CPLANE1: variants seen among roughly 807,000 people sequenced by gnomAD.
CPLANE1 encodes ciliogenesis and planar polarity effector complex subunit 1.
Under a neutral mutation model 362.5 loss-of-function variants are expected in CPLANE1, and 263 were observed. The observed-to-expected ratio is 0.73, with a 90% CI of 0.66 to 0.80. The LOEUF (loss-of-function observed/expected upper bound fraction) is 0.80. CPLANE1 is among the 30% of genes least tolerant of loss of function. The pLI is 0.00. For synonymous variants in CPLANE1, 1,212 were observed against 1,302.6 expected (o/e 0.93, Z 1.50); for missense variants, 3,461 against 3,793.4 (o/e 0.91, Z 2.30).
In CPLANE1 at chr5:37,121,477, G is replaced by A. The variant is rs918360406; in HGVS notation, c.9185+140C>T. ...CAATGTATAAAGACCTCATGATTAT[G>A]AGGCTACTTTTTTCCTTTATCATCA... On this transcript the variant is annotated intron_variant, in intron 49 of 52. Coordinates refer to ENST00000651892, the MANE Select transcript of CPLANE1 (RefSeq NM_001384732.1). 1.9e-5 allele frequency: 14 copies of A among 738,998 alleles called. No individual in the cohort carries two copies. In the African/African-American group the frequency reaches 2.5e-4, roughly 13 times the overall value. 45.8% of individuals were successfully genotyped at this position (738,998 alleles called of 1,614,324 possible). A position where few individuals can be genotyped will look rare whatever the true frequency, so the allele number is the denominator to read the frequency against.
the CPLANE1 span, among the ~76,000 whole-genome samples, chr5:37,098,923 C>CAAAAAAAA: frequency 3.3e-4 from 17 of 52,028 alleles, no homozygotes; most frequent in African/African-American, 8.5e-4. Context: ...ATGCCTACAT[C>CAAAAAAAA]AAAAAAAAAA....
the CPLANE1 span, among the ~76,000 whole-genome samples, chr5:37,091,614 C>T: frequency 3.3e-5 from 5 of 152,118 alleles, no homozygotes; most frequent in Non-Finnish European, 7.3e-5. Flanking sequence ...ATTTAGATGA[C>T]GAATTTCAAT....
rs1050669984 is a variant in CPLANE1 at position 37,201,475 on chromosome 5, T to C, written c.3507+116A>G. 9.1e-5 allele frequency: 69 copies of C among 758,870 alleles called. No individual in the cohort carries two copies. In the African/African-American group the frequency reaches 9.7e-4, roughly 11 times the overall value. 47.0% of individuals were successfully genotyped at this position (758,870 alleles called of 1,614,324 possible). ...TAGTGAACAGCAAAGCTGGGATCTA[T>C]ACGTTTGTCTTTAGAGCTTGAATTT... On this transcript the variant is annotated intron_variant, in intron 19 of 52. Coordinates refer to ENST00000651892, the MANE Select transcript of CPLANE1 (RefSeq NM_001384732.1).
In CPLANE1 at chr5:37,164,321, G is replaced by C. The variant is rs768709495; in HGVS notation, c.7540C>G (p.Gln2514Glu). 6.2e-7 allele frequency: 1 copy of C among 1,612,682 alleles called. No homozygotes were observed. Among genetic ancestry groups the C allele is most frequent in the South Asian group, 1.1e-5 (1 of 91,008 alleles). ...SEIIKKPKEQ[Q>E]EHCGSHPLDD... The stretch of plus-strand genomic sequence containing the variant: ...AAAGGATGGGAACCACAATGTTCTT[G>C]TTGTTCCTAAATGAATTCCCACAGG... Residue 2514 changes from glutamine (Q) to glutamate (E), a missense_variant, in exon 37 of 53, where the codon CAA (glutamine) becomes GAA (glutamate). Coordinates refer to ENST00000651892, the MANE Select transcript of CPLANE1 (RefSeq NM_001384732.1).
chr5:37,085,594 T>C, the CPLANE1 span: 2 of 885,396 alleles, frequency 2.3e-6, no homozygotes, highest in Non-Finnish European at 3.9e-6. Flanking sequence ...GGTACACTGG[T>C]AACCTGTGTA....
intron 16 of CPLANE1, among the ~76,000 whole-genome samples, chr5:37,207,372 G>GTCTGA (rs1791061966): frequency 6.6e-6 from 1 of 152,182 alleles, no homozygotes; most frequent in African/African-American, 2.4e-5. Context: ...CCACTTGGAT[G>GTCTGA]TCTGATTTTG....
At chr5:37,163,005 T>G (rs1344248123) in intron 37 of CPLANE1, among the ~76,000 whole-genome samples, 1 of 152,182 alleles carries the variant, frequency 6.6e-6, no homozygotes, top group Non-Finnish European at 1.5e-5. Context: ...CAATGAAGTG[T>G]TATGTAAGTT....
intron 9 of CPLANE1, 56 bp from the exon 10 acceptor site, chr5:37,227,873 CAAT>C (rs991652189): frequency 4.2e-6 from 6 of 1,440,194 alleles, no homozygotes; most frequent in East Asian, 2.5e-5. Context: ...TTACGGAAAA[CAAT>C]AATGTTTTTC....
Position 37,227,297 on chromosome 5 carries a change from G to T in CPLANE1, c.1467C>A (p.Val489=), listed in dbSNP as rs1294855346. ...QGNESSADFT[V]PKFLQAEETI... ...TTTCTTCTGCCTGCAAGAATTTGGG[G>T]ACAGTGAAATCGGCTGAACTTTCAT... is the stretch of plus-strand genomic sequence containing the variant. The change falls in exon 11 of 53, where the codon GTC becomes GTA. Residue 489 remains valine, a synonymous_variant. Transcript: ENST00000651892. 21 of 1,552,046 alleles carry T rather than the reference G, an allele frequency of 1.4e-5. No individual in the cohort carries two copies. The highest frequency in any genetic ancestry group is 1.8e-5 in the Non-Finnish European group (21 of 1,147,054).
In CPLANE1 at chr5:37,206,273, G is replaced by A. The variant is rs1243607309; in HGVS notation, c.3073C>T (p.Leu1025Phe). The change falls in exon 17 of 53, where the codon CTT becomes TTT. Residue 1025 changes from leucine to phenylalanine, a missense_variant. By Grantham distance (22) the Leu-to-Phe change is conservative. This residue lies in a region of CPLANE1 where 3,380 missense variants were observed against 3,666.1 expected (regional missense o/e 0.92). Coordinates refer to ENST00000651892, the MANE Select transcript of CPLANE1 (RefSeq NM_001384732.1). ...VPEAVWLAYK[L>F]GDWKTSVSIG... ...GAAACAGACGTCTTCCAGTCTCCAAGTTTATATGCCAACCACACAGCCTCT... is the reference window on the plus strand; with the variant it reads ...GAAACAGACGTCTTCCAGTCTCCAAATTTATATGCCAACCACACAGCCTCT... 1 of 1,551,738 alleles carries A rather than the reference G, an allele frequency of 6.4e-7. No homozygotes were observed. Among genetic ancestry groups the A allele is most frequent in the Non-Finnish European group, 8.7e-7 (1 of 1,146,998 alleles).
At chr5:37,089,037 T>C in the CPLANE1 span, among the ~76,000 whole-genome samples, 1 of 151,932 alleles carries the variant, frequency 6.6e-6, no homozygotes, top group Non-Finnish European at 1.5e-5. Context: ...AAGGGAAGTT[T>C]TGGGAGCACA....
chr5:37,187,705 T>C (rs772038850), intron 22 of CPLANE1, 28 bp downstream of exon 22: 4 of 1,591,800 alleles, frequency 2.5e-6, no homozygotes, highest in Non-Finnish European at 3.4e-6. Flanking sequence ...CGTGTGTTCA[T>C]TTTTCTTATT....
chr5:37,162,332 G>C, intron 38 of CPLANE1, 133 bp downstream of exon 38: 1 of 611,230 alleles, frequency 1.6e-6, no homozygotes. Flanking sequence ...AGACTGGAAA[G>C]AAAAATCTAG....
chr5:37,131,179 C>T (rs1479356316), intron 46 of CPLANE1, among the ~76,000 whole-genome samples: 2 of 152,128 alleles, frequency 1.3e-5, no homozygotes, highest in Non-Finnish European at 2.9e-5. Context: ...AAGTTGAAAT[C>T]GCAGAATGCA....
the CPLANE1 span, among the ~76,000 whole-genome samples, chr5:37,098,129 C>T: frequency 2.6e-5 from 4 of 152,100 alleles, no homozygotes; most frequent in East Asian, 7.7e-4. Flanking sequence ...CATGGTGGCT[C>T]ACGCCTGTAA....
Position 37,157,484 on chromosome 5 carries a change from T to G in CPLANE1, c.8012-64A>C, listed in dbSNP as rs764990560. On this transcript the variant is annotated intron_variant, in intron 40 of 52. Transcript: ENST00000651892. ...GATTCTATCAAGACTATGAAAAGCA[T>G]TCAAAGACTGATTCTAAACTTCTAA... is the stretch of plus-strand genomic sequence containing the variant. 3.9e-6 allele frequency: 5 copies of G among 1,271,210 alleles called. No individual in the cohort carries two copies. The South Asian group carries it at 5.0e-5, about 13-fold the overall frequency. The allele number at this position is 1,271,210 out of a possible 1,614,324, so 78.7% of individuals were successfully genotyped here.
intron 50 of CPLANE1, among the ~76,000 whole-genome samples, chr5:37,116,619 C>CA (rs1368218243): frequency 1.4e-3 from 201 of 138,696 alleles, no homozygotes; most frequent in African/African-American, 3.0e-3. Flanking sequence ...TTCCTGTGTC[C>CA]AAAAAAAAAA....
the CPLANE1 span, among the ~76,000 whole-genome samples, chr5:37,093,884 C>T: frequency 2.6e-5 from 4 of 152,138 alleles, no homozygotes; most frequent in Non-Finnish European, 5.9e-5. Context: ...GCAGCCTAAT[C>T]CTCTTTGAGC....
At chr5:37,231,546 C>A (rs1306294416) in intron 8 of CPLANE1, among the ~76,000 whole-genome samples, 1 of 152,050 alleles carries the variant, frequency 6.6e-6, no homozygotes, top group Non-Finnish European at 1.5e-5. Context: ...CAGTCTGGGA[C>A]ACAGAGAAAA....
Sources: gnomAD v4.1 joint callset for allele counts (sites outside exome capture counted in the v4.1 genomes callset) on GRCh38, gnomAD v4.1.1 for gene constraint, gnomAD v4.1.1 regional missense constraint, MANE v1.5 for transcripts, NCBI Gene and HGNC (gene_info 2026-07-23, HGNC 2026-07-21) for gene names.